The following ADAMTS9 variants were observed in gnomAD, a reference collection of about 807,000 sequenced individuals.
ADAMTS9 encodes the protein A disintegrin and metalloproteinase with thrombospondin motifs 9.
ADAMTS9 carries 107 observed loss-of-function variants against 257.1 expected under a neutral mutation model. The ratio of observed to expected loss-of-function variants is 0.42; its 90% confidence interval spans 0.36 to 0.49. ADAMTS9 has a LOEUF of 0.49. ADAMTS9 is among the 20% of genes least tolerant of loss of function. The pLI, the probability that ADAMTS9 is intolerant of heterozygous loss-of-function variation, is 0.03. For missense variants in ADAMTS9, 2,353 were observed against 2,469.1 expected (o/e 0.95, Z 1.00); for synonymous variants, 982 against 880.9 (o/e 1.11, Z -2.03).
At position 64,637,112 on chromosome 3, in the gene ADAMTS9, T is replaced by A. The variant is rs141320924; in HGVS notation, c.1857-3233A>T. On this transcript the variant is annotated intron_variant, in intron 12 of 39. Coordinates refer to ENST00000498707, the MANE Select transcript of ADAMTS9 (RefSeq NM_182920.2). The stretch of plus-strand genomic sequence containing the variant: ...ACAATTTCTTCCTTAATTATTGACA[T>A]GACTTTAACAAATATAAATTGGCCT... Among the ~76,000 whole-genome samples the A allele has an allele frequency of 5.3e-4, 80 of 152,328 alleles. No homozygotes were observed. In the East Asian group the frequency reaches 0.011, roughly 21 times the overall value.
chr3:64,636,813 T>A (rs1317735507), intron 12 of ADAMTS9, among the ~76,000 whole-genome samples: 1 of 152,184 alleles, frequency 6.6e-6, no homozygotes, highest in South Asian at 2.1e-4. Context: ...TAAGGTTGAG[T>A]AATTGTGATG....
intron 3 of ADAMTS9, among the ~76,000 whole-genome samples, chr3:64,665,971 A>AT (rs1036661810): frequency 1.3e-5 from 2 of 152,220 alleles, no homozygotes; most frequent in Admixed American, 1.3e-4. Context: ...TGGAACATCG[A>AT]TTTTGTGCCA....
At chr3:64,518,340 T>A (rs2082806262) in intron 39 of ADAMTS9, among the ~76,000 whole-genome samples, 1 of 152,132 alleles carries the variant, frequency 6.6e-6, no homozygotes, top group Non-Finnish European at 1.5e-5. Context: ...TGTATCAGGA[T>A]CTTCAAGAGC....
chr3:64,522,472 A>G, intron 38 of ADAMTS9: 1 of 411,654 alleles, frequency 2.4e-6, no homozygotes, highest in Non-Finnish European at 4.3e-6. Flanking sequence ...TATGGCTTGC[A>G]AGCTAAGGAT....
chr3:64,627,862 T>A (rs375823278), intron 16 of ADAMTS9, among the ~76,000 whole-genome samples: 4 of 152,250 alleles, frequency 2.6e-5, no homozygotes, highest in Admixed American at 6.5e-5. Flanking sequence ...ATGGAACAGC[T>A]GTGACTGGAC....
At chr3:64,646,260 T>C (rs950338951) in intron 11 of ADAMTS9, among the ~76,000 whole-genome samples, 2 of 152,182 alleles carry the variant, frequency 1.3e-5, no homozygotes, top group Non-Finnish European at 2.9e-5. Context: ...ATCATGTTTA[T>C]TGTCATCTCC....
chr3:64,529,957 G>A (rs1470319800), intron 38 of ADAMTS9, among the ~76,000 whole-genome samples: 1 of 150,304 alleles, frequency 6.7e-6, no homozygotes, highest in East Asian at 2.0e-4. Context: ...GACTACAGGT[G>A]CACACCACCA....
chr3:64,607,774 G>A (rs1342998002), intron 22 of ADAMTS9, among the ~76,000 whole-genome samples: 1 of 152,012 alleles, frequency 6.6e-6, no homozygotes, highest in African/African-American at 2.4e-5. Context: ...CAGAAACTAG[G>A]TGAATGCTTA....
intron 29 of ADAMTS9, chr3:64,565,667 C>A (rs530487303): frequency 1.3e-5 from 2 of 152,242 alleles, no homozygotes; most frequent in East Asian, 1.9e-4. Context: ...TACTGTGAAA[C>A]GCTTTTTGTA....
intron 11 of ADAMTS9, 32 bp downstream of exon 11, chr3:64,647,908 A>T: frequency 6.3e-7 from 1 of 1,590,250 alleles, no homozygotes; most frequent in Non-Finnish European, 8.6e-7. Context: ...TTTCTGCCCT[A>T]AGACAGAAGG....
Position 64,622,458 on chromosome 3 carries a change from T to A in ADAMTS9, c.2518A>T (p.Asn840Tyr). 6.2e-7 allele frequency: 1 copy of A among 1,614,050 alleles called. No homozygotes were observed. Among genetic ancestry groups the A allele is most frequent in the Non-Finnish European group, 8.5e-7 (1 of 1,179,970 alleles). Reference sequence around the variant, plus strand: ...TCTTGCTCAATGCGATCTGTTGAGTTAATTCTTTCTACGGCAGTCTCGGAC... The same window carrying A: ...TCTTGCTCAATGCGATCTGTTGAGTAAATTCTTTCTACGGCAGTCTCGGAC... Reference protein sequence around the residue: ...SGSETAVERINSTDRIEQELL... With the variant: ...SGSETAVERIYSTDRIEQELL... Residue 840 changes from asparagine (N) to tyrosine (Y), a missense_variant, in exon 17 of 40, where the codon AAC becomes TAC. By Grantham distance (143) the Asn-to-Tyr change is moderately radical. This residue lies in a region of ADAMTS9 where 1,402 missense variants were observed against 1,441.4 expected (regional missense o/e 0.97). Transcript: ENST00000498707.
intron 19 of ADAMTS9, 85 bp downstream of exon 19, chr3:64,621,028 AT>A: frequency 6.8e-7 from 1 of 1,481,270 alleles, no homozygotes; most frequent in African/African-American, 1.4e-5. Flanking sequence ...AAAGACCAGC[AT>A]CCCCTCCTTT....
In ADAMTS9 at chr3:64,564,024, G is replaced by A. The variant is rs1053814946; in HGVS notation, c.4525-2273C>T. ...AGCAGAAAGACCTCTGTGTGACCCC[G>A]GAGGCAGTGATGGTGGTGGTATGTG... is the stretch of plus-strand genomic sequence containing the variant. On this transcript the variant is annotated intron_variant, in intron 29 of 39. Transcript: ENST00000498707. 9.5e-4 allele frequency among the ~76,000 whole-genome samples: 144 copies of A among 152,290 alleles called. 1 individual carries two copies. The highest frequency in any genetic ancestry group is 3.1e-3 in the African/African-American group (130 of 41,564).
At chr3:64,576,750 C>G (rs1304758306) in intron 28 of ADAMTS9, among the ~76,000 whole-genome samples, 1 of 152,238 alleles carries the variant, frequency 6.6e-6, no homozygotes, top group Non-Finnish European at 1.5e-5. Flanking sequence ...CCCCCCAACA[C>G]TCCAGCCTTT....
At chr3:64,676,015 A>G (rs1701616687) in intron 3 of ADAMTS9, among the ~76,000 whole-genome samples, 1 of 152,196 alleles carries the variant, frequency 6.6e-6, no homozygotes, top group African/African-American at 2.4e-5. Context: ...AGTGATAAAC[A>G]GAGTCCCCAG....
chr3:64,540,799 T>G (rs186027809), intron 36 of ADAMTS9, among the ~76,000 whole-genome samples: 1 of 142,952 alleles, frequency 7.0e-6, no homozygotes, highest in African/African-American at 3.0e-5. Context: ...TTTCACCTAC[T>G]TCATTCATTC....
intron 27 of ADAMTS9, among the ~76,000 whole-genome samples, 154 bp from the exon 28 acceptor site, chr3:64,594,588 G>A (rs762533758): frequency 4.6e-5 from 7 of 152,192 alleles, no homozygotes; most frequent in African/African-American, 9.6e-5. Context: ...ATAGTGATAC[G>A]TAAAACAGAC....
At chr3:64,535,263 C>T (rs899467383) in intron 37 of ADAMTS9, among the ~76,000 whole-genome samples, 6 of 152,026 alleles carry the variant, frequency 3.9e-5, no homozygotes, top group African/African-American at 1.4e-4. Context: ...CCTGTAATCC[C>T]AGATGCTCGG....
intron 28 of ADAMTS9, chr3:64,583,866 C>T (rs371423126): frequency 6.6e-6 from 1 of 152,068 alleles, no homozygotes; most frequent in African/African-American, 2.4e-5. Context: ...GTTAGGAAGC[C>T]CCCATCTATA....
Sources: allele counts gnomAD v4.1 joint callset (sites outside exome capture counted in the v4.1 genomes callset), GRCh38; gene constraint gnomAD v4.1.1; regional missense constraint gnomAD v4.1.1; transcripts MANE v1.5; gene names NCBI Gene and HGNC (gene_info 2026-07-23, HGNC 2026-07-21).